Variants in DEPDC1B observed in about 807,000 individuals in gnomAD.
DEPDC1B encodes DEP domain containing 1B.
Under a neutral mutation model 66.5 loss-of-function variants are expected in DEPDC1B, and 51 were observed. The observed-to-expected ratio is 0.77, with a 90% confidence interval of 0.61 to 0.97. The LOEUF (loss-of-function observed/expected upper bound fraction) is 0.97, where lower values mean the gene tolerates loss of function less well. Among genes scored for constraint, DEPDC1B ranks in the 50% least tolerant of loss-of-function variants. The pLI is 0.00. For missense variants in DEPDC1B, 552 were observed against 637.1 expected (o/e 0.87, Z 1.44); for synonymous variants, 226 against 223.6 (o/e 1.01, Z -0.10).
chr5:60,645,694 G>A, intron 3 of DEPDC1B, 75 bp from the exon 4 acceptor site: 2 of 1,428,904 alleles, frequency 1.4e-6, no homozygotes, highest in East Asian at 4.9e-5. Context: ...TTCAATATAA[G>A]GTGGTGGGAT....
chr5:60,606,548 G>T (rs1034515564), intron 7 of DEPDC1B, among the ~76,000 whole-genome samples: 3 of 145,972 alleles, frequency 2.1e-5, no homozygotes, highest in Non-Finnish European at 4.5e-5. Context: ...TGAGATGGGA[G>T]GATCACTTGA....
intron 2 of DEPDC1B, among the ~76,000 whole-genome samples, chr5:60,651,812 T>C (rs1265667847): frequency 6.6e-6 from 1 of 152,134 alleles, no homozygotes; most frequent in African/African-American, 2.4e-5. Flanking sequence ...CTGTCACCTG[T>C]GGTAATAGGG....
intron 2 of DEPDC1B, among the ~76,000 whole-genome samples, chr5:60,651,661 C>A (rs184204557): frequency 5.3e-4 from 81 of 152,146 alleles, no homozygotes; most frequent in Non-Finnish European, 1.0e-3. Flanking sequence ...GCAACAGGAT[C>A]GGGCAGTGAA....
chr5:60,687,373 G>C, intron 1 of DEPDC1B, 146 bp from the exon 2 acceptor site: 2 of 1,048,982 alleles, frequency 1.9e-6, no homozygotes, highest in Non-Finnish European at 2.7e-6. Context: ...TTATTTACAG[G>C]CTTCAAACTC....
intron 9 of DEPDC1B, among the ~76,000 whole-genome samples, chr5:60,603,189 A>G (rs1752236138): frequency 6.6e-6 from 1 of 152,236 alleles, no homozygotes; most frequent in South Asian, 2.1e-4. Flanking sequence ...GGATTGATAC[A>G]CAAAACCAAA....
intron 2 of DEPDC1B, among the ~76,000 whole-genome samples, chr5:60,678,624 C>A (rs1584096363): frequency 1.3e-5 from 2 of 152,288 alleles, no homozygotes; most frequent in East Asian, 3.9e-4. Context: ...CTCCCTAGGG[C>A]TTTAATTTGC....
At chr5:60,698,669 ATT>A (rs34466259) in intron 1 of DEPDC1B, among the ~76,000 whole-genome samples, 4 of 143,896 alleles carry the variant, frequency 2.8e-5, no homozygotes, top group Admixed American at 6.9e-5. Flanking sequence ...TCTCCTTATT[ATT>A]TTTTTTTTTT....
intron 7 of DEPDC1B, among the ~76,000 whole-genome samples, chr5:60,636,167 T>C (rs1753039700): frequency 1.3e-5 from 2 of 152,184 alleles, no homozygotes; most frequent in Admixed American, 6.5e-5. Flanking sequence ...CTACAAGGAA[T>C]TGCTATTTTG....
rs376362672 is a variant in DEPDC1B at position 60,647,595 on chromosome 5, A to G, written c.315-62T>C. On this transcript the variant is annotated intron_variant, in intron 2 of 10. Transcript: ENST00000265036. The stretch of plus-strand genomic sequence containing the variant: ...AGTGGGAGACACAGATATTTTAACA[A>G]TAGTCTCCACTTTGGTGTATCTGAA... The G allele has an allele frequency of 6.8e-5, 105 of 1,549,090 alleles. No homozygotes were observed. The East Asian group carries it at 2.0e-3, about 30-fold the overall frequency.
intron 7 of DEPDC1B, among the ~76,000 whole-genome samples, chr5:60,625,506 G>A (rs902012785): frequency 6.6e-6 from 1 of 152,196 alleles, no homozygotes; most frequent in Non-Finnish European, 1.5e-5. Flanking sequence ...GTACAAGGTA[G>A]CAGGAAAATT....
chr5:60,681,247 A>T (rs973329550), intron 2 of DEPDC1B, among the ~76,000 whole-genome samples: 7 of 152,062 alleles, frequency 4.6e-5, no homozygotes, highest in African/African-American at 1.7e-4. Context: ...GAGGACCATC[A>T]CACCTTGCCC....
At chr5:60,677,901 A>G (rs1754207823) in intron 2 of DEPDC1B, among the ~76,000 whole-genome samples, 1 of 152,190 alleles carries the variant, frequency 6.6e-6, no homozygotes, top group African/African-American at 2.4e-5. Flanking sequence ...AAAACAAAAG[A>G]TGTCCACTAG....
At chr5:60,681,094 A>G (rs1346847497) in intron 2 of DEPDC1B, among the ~76,000 whole-genome samples, 1 of 152,218 alleles carries the variant, frequency 6.6e-6, no homozygotes, top group African/African-American at 2.4e-5. Context: ...GCTCTAGAAC[A>G]TTAGTTCCTT....
At chr5:60,666,700 C>T (rs1753848959) in intron 2 of DEPDC1B, among the ~76,000 whole-genome samples, 2 of 152,214 alleles carry the variant, frequency 1.3e-5, no homozygotes, top group Middle Eastern at 3.4e-3. Flanking sequence ...CTGTGAGGGT[C>T]CTTGGTTGTA....
At chr5:60,654,714 G>A (rs1350470677) in intron 2 of DEPDC1B, among the ~76,000 whole-genome samples, 2 of 148,580 alleles carry the variant, frequency 1.3e-5, no homozygotes, top group African/African-American at 5.1e-5. Context: ...CAGTTCTCAG[G>A]GGGAATGCTT....
intron 7 of DEPDC1B, among the ~76,000 whole-genome samples, chr5:60,609,176 T>C (rs1157243104): frequency 1.3e-5 from 2 of 152,064 alleles, no homozygotes; most frequent in Non-Finnish European, 2.9e-5. Context: ...AAGGCATAGG[T>C]AAATTCATCT....
At chr5:60,636,378 G>A (rs564429864) in intron 7 of DEPDC1B, among the ~76,000 whole-genome samples, 8 of 152,172 alleles carry the variant, frequency 5.3e-5, no homozygotes, top group South Asian at 2.1e-4. Flanking sequence ...AAGCCCAACC[G>A]TGCCACAAGC....
intron 1 of DEPDC1B, among the ~76,000 whole-genome samples, chr5:60,689,698 A>G (rs1364046538): frequency 1.3e-5 from 2 of 150,876 alleles, no homozygotes; most frequent in Admixed American, 1.3e-4. Flanking sequence ...TTTTTCAGCC[A>G]CTTTACTTTT....
intron 7 of DEPDC1B, among the ~76,000 whole-genome samples, chr5:60,611,287 T>C (rs1273441174): frequency 6.6e-6 from 1 of 152,196 alleles, no homozygotes; most frequent in Admixed American, 6.5e-5. Flanking sequence ...ATGTGTGTGT[T>C]CTGACTGCTC....
Sources: allele counts gnomAD v4.1 joint callset (sites outside exome capture counted in the v4.1 genomes callset), GRCh38; gene constraint gnomAD v4.1.1; transcripts MANE v1.5; gene names NCBI Gene and HGNC (gene_info 2026-07-23, HGNC 2026-07-21).